The following ASIC2 variants were observed in gnomAD, a reference collection of about 807,000 sequenced individuals.
ASIC2 encodes the protein acid-sensing ion channel 2.
A neutral mutation model predicts 57.3 loss-of-function variants in ASIC2; 25 were observed. That is an observed-to-expected ratio of 0.44 (90% confidence interval 0.32 to 0.61). The LOEUF is 0.61. ASIC2 is among the 20% of genes least tolerant of loss of function. The pLI, the probability that ASIC2 is intolerant of heterozygous loss-of-function variation, is 0.06. For synonymous variants in ASIC2, 319 were observed against 307.5 expected (o/e 1.04, Z -0.39); for missense variants, 641 against 738.1 (o/e 0.87, Z 1.52).
intron 1 of ASIC2, among the ~76,000 whole-genome samples, chr17:33,492,586 A>G (rs957516831): frequency 6.6e-6 from 1 of 152,202 alleles, no homozygotes; most frequent in African/African-American, 2.4e-5. Context: ...TTGAGTGAAC[A>G]TACCTTTCCT....
chr17:33,347,030 C>T (rs1907975931), intron 1 of ASIC2, among the ~76,000 whole-genome samples: 2 of 152,040 alleles, frequency 1.3e-5, no homozygotes, highest in African/African-American at 2.4e-5. Context: ...GTGCTTCATA[C>T]AGATGATTTG....
At chr17:33,400,338 A>T (rs1268682758) in intron 1 of ASIC2, among the ~76,000 whole-genome samples, 1 of 152,196 alleles carries the variant, frequency 6.6e-6, no homozygotes, top group Non-Finnish European at 1.5e-5. Context: ...TAAAATTTCA[A>T]CAATGTGGAC....
At chr17:33,635,595 A>G (rs988411411) in intron 1 of ASIC2, among the ~76,000 whole-genome samples, 1 of 152,228 alleles carries the variant, frequency 6.6e-6, no homozygotes, top group Non-Finnish European at 1.5e-5. Context: ...TTAAACCCCT[A>G]TGGGAATGCT....
chr17:33,660,057 C>G (rs1907208796), intron 1 of ASIC2, among the ~76,000 whole-genome samples: 1 of 151,892 alleles, frequency 6.6e-6, no homozygotes, highest in Non-Finnish European at 1.5e-5. Context: ...GCACTCCAGC[C>G]TGGCGACAGA....
Position 33,291,506 on chromosome 17 carries a change from T to A in ASIC2, c.610A>T (p.Ser204Cys), listed in dbSNP as rs1278568258. The A allele has an allele frequency of 6.2e-7, 1 of 1,612,690 alleles. No individual in the cohort carries two copies. Among genetic ancestry groups the A allele is most frequent in the South Asian group, 1.1e-5 (1 of 91,076 alleles). The change falls in exon 1 of 10, where the codon AGC becomes TGC. Residue 204 changes from serine (S) to cysteine (C), a missense_variant. Transcript: ENST00000225823. Reference protein sequence around the residue: ...FLPPRHFEGISAAFMDRLGHQ... With the variant: ...FLPPRHFEGICAAFMDRLGHQ... ...CCCAGGCGGTCCATGAAGGCGGCGCTGATTCCCTCGAAGTGGCGCGGAGGC... is the reference window on the plus strand; with the variant it reads ...CCCAGGCGGTCCATGAAGGCGGCGCAGATTCCCTCGAAGTGGCGCGGAGGC...
At chr17:33,581,079 A>T (rs950707510) in intron 1 of ASIC2, 4 of 152,204 alleles carry the variant, frequency 2.6e-5, no homozygotes, top group African/African-American at 9.6e-5. Flanking sequence ...TAAGGTTACT[A>T]ATTAGTTGAC....
chr17:33,530,931 C>T (rs1193196108), intron 1 of ASIC2, among the ~76,000 whole-genome samples: 2 of 152,070 alleles, frequency 1.3e-5, no homozygotes, highest in African/African-American at 2.4e-5. Context: ...TTTAATTAGA[C>T]AAGAACTTGC....
At chr17:33,099,365 CCT>C (rs1207815643) in intron 2 of ASIC2, among the ~76,000 whole-genome samples, 2 of 152,000 alleles carry the variant, frequency 1.3e-5, no homozygotes, top group Non-Finnish European at 2.9e-5. Flanking sequence ...CTAGAACTGC[CCT>C]GTCTACATCA....
chr17:34,109,589 A>C (rs1305085426), intron 1 of ASIC2, among the ~76,000 whole-genome samples: 2 of 152,160 alleles, frequency 1.3e-5, no homozygotes, highest in East Asian at 3.9e-4. Flanking sequence ...CTCTTGATCG[A>C]TATCCTTTCC....
At chr17:34,046,060 C>T (rs750904513) in intron 1 of ASIC2, among the ~76,000 whole-genome samples, 4 of 152,110 alleles carry the variant, frequency 2.6e-5, no homozygotes, top group Admixed American at 2.0e-4. Flanking sequence ...CCAGAGATGC[C>T]TTTTTAGTTT....
intron 1 of ASIC2, among the ~76,000 whole-genome samples, chr17:33,439,523 C>A (rs949493758): frequency 2.6e-5 from 4 of 152,100 alleles, no homozygotes; most frequent in African/African-American, 7.2e-5. Context: ...GTGTAAATTA[C>A]CCCCCTCTAT....
At chr17:33,452,738 G>GGGGTGT (rs1555535324) in intron 1 of ASIC2, among the ~76,000 whole-genome samples, 31 of 140,506 alleles carry the variant, frequency 2.2e-4, no homozygotes, top group Admixed American at 7.8e-4. Context: ...AACAGAGTGG[G>GGGGTGT]GTGTGTGTGT....
At chr17:33,954,691 C>G (rs2141987519) in intron 1 of ASIC2, among the ~76,000 whole-genome samples, 1 of 152,222 alleles carries the variant, frequency 6.6e-6, no homozygotes, top group East Asian at 1.9e-4. Context: ...ACCCCCAGCT[C>G]TGCCACGAAG....
intron 1 of ASIC2, among the ~76,000 whole-genome samples, chr17:33,170,464 A>G (rs2142048173): frequency 6.6e-6 from 1 of 152,298 alleles, no homozygotes; most frequent in African/African-American, 2.4e-5. Flanking sequence ...AAAAAAATCT[A>G]CCACTGATGG....
intron 1 of ASIC2, among the ~76,000 whole-genome samples, chr17:33,276,039 T>C (rs772940105): frequency 1.7e-4 from 26 of 152,106 alleles, no homozygotes; most frequent in Non-Finnish European, 3.5e-4. Context: ...AGCACCAGAC[T>C]GGAGAGGCCA....
intron 1 of ASIC2, among the ~76,000 whole-genome samples, chr17:33,806,753 A>G (rs979448084): frequency 4.1e-4 from 63 of 152,070 alleles, no homozygotes; most frequent in Non-Finnish European, 5.4e-4. Context: ...TCTTTTGCCA[A>G]CACTAGCCCC....
intron 1 of ASIC2, among the ~76,000 whole-genome samples, chr17:33,137,138 A>G (rs753306759): frequency 6.6e-6 from 1 of 152,152 alleles, no homozygotes; most frequent in Non-Finnish European, 1.5e-5. Context: ...CTTTGACTCC[A>G]CTCACATCTG....
chr17:33,274,526 C>G (rs917053304), intron 1 of ASIC2, among the ~76,000 whole-genome samples: 2 of 152,112 alleles, frequency 1.3e-5, no homozygotes, highest in East Asian at 3.9e-4. Flanking sequence ...AACACATGAC[C>G]CTGGACCTCA....
chr17:33,458,910 T>C (rs1374372681), intron 1 of ASIC2, among the ~76,000 whole-genome samples: 1 of 152,156 alleles, frequency 6.6e-6, no homozygotes, highest in Non-Finnish European at 1.5e-5. Context: ...CAAGCTATGC[T>C]GCACAGGGTT....
Sources: gnomAD v4.1 joint callset for allele counts (sites outside exome capture counted in the v4.1 genomes callset) on GRCh38, gnomAD v4.1.1 for gene constraint, MANE v1.5 for transcripts, NCBI Gene and HGNC (gene_info 2026-07-23, HGNC 2026-07-21) for gene names.